GNAI1: variants seen among roughly 807,000 people sequenced by gnomAD.
GNAI1 encodes guanine nucleotide-binding protein G(i) subunit alpha-1.
In GNAI1, 11 loss-of-function variants were observed where a neutral mutation model predicts 38.9. The ratio of observed to expected loss-of-function variants is 0.28; its 90% CI spans 0.18 to 0.47. The LOEUF is 0.47. GNAI1 is among the 20% of genes least tolerant of loss of function. GNAI1 has a pLI of 0.99. For synonymous variants in GNAI1, 166 were observed against 145.1 expected, an observed-to-expected ratio of 1.14 and a Z score of -1.04; for missense variants, 317 against 436.9, an observed-to-expected ratio of 0.73 and a Z score of 2.45.
intron 1 of GNAI1, among the ~76,000 whole-genome samples, chr7:80,159,441 G>A (rs1271721575): frequency 6.6e-6 from 1 of 152,090 alleles, no homozygotes; most frequent in African/African-American, 2.4e-5. Context: ...TTGGCCCATA[G>A]CAGACACTTT....
intron 1 of GNAI1, among the ~76,000 whole-genome samples, chr7:80,145,919 T>C (rs1787613283): frequency 6.6e-6 from 1 of 152,142 alleles, no homozygotes; most frequent in Admixed American, 6.5e-5. Context: ...AGAGCCAGTA[T>C]GAGGTAGCCA....
At chr7:80,176,963 A>G (rs13239054) in intron 1 of GNAI1, among the ~76,000 whole-genome samples, 1 of 147,680 alleles carries the variant, frequency 6.8e-6, no homozygotes, top group African/African-American at 2.5e-5. Context: ...AAAAAATTAT[A>G]CTAAGTCTGC....
chr7:80,217,277 A>G, intron 7 of GNAI1, 26 bp from the exon 8 acceptor site: 11 of 1,439,976 alleles, frequency 7.6e-6, no homozygotes, highest in East Asian at 2.4e-5. Flanking sequence ...TTTTGCATTT[A>G]TGTTTCTTTC....
In GNAI1 at chr7:80,217,294, C is replaced by A. The variant is rs769969144; in HGVS notation, c.875-9C>A. On this transcript the variant is annotated splice_polypyrimidine_tract_variant and intron_variant, in intron 7 of 7. Transcript: ENST00000649796. ...TTGCATTTATGTTTCTTTCCTTTTTCCATCTCAGGATCAAACACATATGAA... is the reference window on the plus strand; with the variant it reads ...TTGCATTTATGTTTCTTTCCTTTTTACATCTCAGGATCAAACACATATGAA... The A allele has an allele frequency of 1.0e-5, 15 of 1,493,456 alleles. No homozygotes were observed. The Admixed American group carries it at 2.6e-4, about 25-fold the overall frequency. 92.5% of individuals were successfully genotyped at this position (1,493,456 alleles called of 1,614,324 possible).
chr7:80,147,868 G>A (rs1197289431), intron 1 of GNAI1, among the ~76,000 whole-genome samples: 4 of 152,276 alleles, frequency 2.6e-5, no homozygotes, highest in Admixed American at 1.3e-4. Context: ...CTTATGAAAC[G>A]TGTAAATTCA....
chr7:80,168,278 T>C (rs1788045086), intron 1 of GNAI1, among the ~76,000 whole-genome samples: 3 of 152,178 alleles, frequency 2.0e-5, no homozygotes, highest in Admixed American at 2.0e-4. Flanking sequence ...CTGTGAAATG[T>C]ATTAGAAACA....
intron 1 of GNAI1, among the ~76,000 whole-genome samples, chr7:80,150,849 C>T (rs1787711942): frequency 6.6e-6 from 1 of 152,178 alleles, no homozygotes; most frequent in Non-Finnish European, 1.5e-5. Context: ...GTCCATCCAT[C>T]ATCCGCCGTT....
At chr7:80,195,408 C>A (rs1043720467) in intron 3 of GNAI1, among the ~76,000 whole-genome samples, 3 of 151,674 alleles carry the variant, frequency 2.0e-5, no homozygotes, top group Non-Finnish European at 4.4e-5. Context: ...TTCCTCAAGA[C>A]ATTTTTACTT....
chr7:80,138,498 G>T (rs907467611), intron 1 of GNAI1, among the ~76,000 whole-genome samples: 3 of 152,034 alleles, frequency 2.0e-5, no homozygotes, highest in Non-Finnish European at 4.4e-5. Context: ...AATAATGAAA[G>T]TTTTTTATAT....
chr7:80,214,680 G>A (rs903212128), intron 7 of GNAI1, among the ~76,000 whole-genome samples: 8 of 152,194 alleles, frequency 5.3e-5, no homozygotes, highest in South Asian at 2.1e-4. Context: ...TGCTTCAGCC[G>A]CAACTCTCAA....
At chr7:80,175,911 C>CTT (rs1788175704) in intron 1 of GNAI1, among the ~76,000 whole-genome samples, 1 of 152,086 alleles carries the variant, frequency 6.6e-6, no homozygotes, top group Non-Finnish European at 1.5e-5. Flanking sequence ...AGAGTGGCCT[C>CTT]TAAGTGTTCA....
At chr7:80,189,660 A>G (rs75990216) in intron 3 of GNAI1, among the ~76,000 whole-genome samples, 1 of 152,328 alleles carries the variant, frequency 6.6e-6, no homozygotes, top group Non-Finnish European at 1.5e-5. Flanking sequence ...CGAATAATGA[A>G]AACAGTATAA....
At chr7:80,135,739 G>A (rs1169690829) in intron 1 of GNAI1, 1 of 965,208 alleles carries the variant, frequency 1.0e-6, no homozygotes, top group East Asian at 1.3e-4. Flanking sequence ...CTCATGCCCA[G>A]AGTGCCACGT....
At chr7:80,165,261 G>A (rs972757156) in intron 1 of GNAI1, among the ~76,000 whole-genome samples, 1 of 152,082 alleles carries the variant, frequency 6.6e-6, no homozygotes, top group African/African-American at 2.4e-5. Flanking sequence ...TGCTCCCAAA[G>A]GCTAAAAGAG....
intron 1 of GNAI1, among the ~76,000 whole-genome samples, chr7:80,162,200 G>C (rs539595709): frequency 8.5e-5 from 13 of 152,128 alleles, no homozygotes; most frequent in Non-Finnish European, 1.9e-4. Context: ...CCCTCACCAA[G>C]AACCTGACCA....
chr7:80,202,095 T>C (rs544454049), intron 4 of GNAI1, among the ~76,000 whole-genome samples: 7 of 152,098 alleles, frequency 4.6e-5, no homozygotes, highest in Admixed American at 3.9e-4. Context: ...TTGTTTCTGG[T>C]TTTTTTGTTT....
At chr7:80,152,053 A>G (rs1431398537) in intron 1 of GNAI1, among the ~76,000 whole-genome samples, 8 of 152,062 alleles carry the variant, frequency 5.3e-5, no homozygotes, top group Non-Finnish European at 1.2e-4. Flanking sequence ...TTTTTAGTAT[A>G]CGCTATTTCC....
chr7:80,154,352 G>A (rs1368045783), intron 1 of GNAI1, among the ~76,000 whole-genome samples: 1 of 152,158 alleles, frequency 6.6e-6, no homozygotes, highest in Non-Finnish European at 1.5e-5. Context: ...TTAAGCTTCT[G>A]TGTGAATTTG....
chr7:80,202,051 A>AT (rs1420309034), intron 4 of GNAI1, among the ~76,000 whole-genome samples: 1 of 151,790 alleles, frequency 6.6e-6, no homozygotes, highest in Non-Finnish European at 1.5e-5. Flanking sequence ...ATTTTTAGAG[A>AT]TTTTTTTGAA....
Sources: gnomAD v4.1 joint callset for allele counts (sites outside exome capture counted in the v4.1 genomes callset) on GRCh38, gnomAD v4.1.1 for gene constraint, MANE v1.5 for transcripts, NCBI Gene and HGNC (gene_info 2026-07-23, HGNC 2026-07-21) for gene names.